The following CSMD1 variants were observed in gnomAD, a reference collection of about 807,000 sequenced individuals.
CSMD1 encodes the protein CUB and Sushi multiple domains 1, also known as CUB and sushi domain-containing protein 1.
A neutral mutation model predicts 417.5 loss-of-function variants in CSMD1; 213 were observed. The observed-to-expected ratio is 0.51, with a 90% confidence interval of 0.46 to 0.57. The LOEUF is 0.57. Ranked by LOEUF, CSMD1 falls within the 20% of genes least tolerant of loss-of-function variation. The probability of loss-of-function intolerance (pLI) is 0.00; values close to 1 mark genes in which losing one functional copy is unlikely to be tolerated. For missense variants in CSMD1, 6,923 were observed against 4,529.7 expected, an observed-to-expected ratio of 1.53 and a Z score of -15.17; for synonymous variants, 2,862 against 1,736.8, an observed-to-expected ratio of 1.65 and a Z score of -16.11.
Position 3,635,441 on chromosome 8 carries a change from A to C in CSMD1, c.1010-18644T>G, listed in dbSNP as rs1227675461. ...GGAGCTTGCAGTGAGCCGAGAGTGC[A>C]CCACTACACTCCAGCCTGGGCAATG... On this transcript the variant is annotated intron_variant, in intron 7 of 69. Coordinates refer to ENST00000635120, the MANE Select transcript of CSMD1 (RefSeq NM_033225.6). Among the ~76,000 whole-genome samples, 13 of 149,774 alleles carry C rather than the reference A, an allele frequency of 8.7e-5. No homozygotes were observed. The South Asian group carries it at 2.5e-3, about 29-fold the overall frequency.
intron 1 of CSMD1, among the ~76,000 whole-genome samples, chr8:4,807,431 GAA>G (rs981724456): frequency 6.6e-6 from 1 of 152,084 alleles, no homozygotes; most frequent in African/African-American, 2.4e-5. Context: ...TCACAAAAAT[GAA>G]AGACTCATGG....
chr8:3,247,798 C>G (rs985968147), intron 26 of CSMD1, among the ~76,000 whole-genome samples: 5 of 152,216 alleles, frequency 3.3e-5, no homozygotes, highest in Admixed American at 6.5e-5. Flanking sequence ...CATAGATTCA[C>G]TAAGAATCAC....
chr8:3,420,531 A>C (rs1173520852), intron 12 of CSMD1, among the ~76,000 whole-genome samples: 1 of 149,280 alleles, frequency 6.7e-6, no homozygotes, highest in African/African-American at 2.4e-5. Context: ...AAATATAGGG[A>C]AACTGGCTGT....
chr8:4,532,362 GCATTCAGTCACTCCA>G, intron 2 of CSMD1, among the ~76,000 whole-genome samples: 1 of 113,628 alleles, frequency 8.8e-6, no homozygotes, highest in East Asian at 2.8e-4. Flanking sequence ...TCCTGCACCC[GCATTCAGTCACTCCA>G]GAAGAGAAAT....
chr8:4,516,424 G>T lies in CSMD1; in HGVS notation c.303-96359C>A, dbSNP rs528161857. Among the ~76,000 whole-genome samples, 23 of 152,274 alleles carry T rather than the reference G, an allele frequency of 1.5e-4. No homozygotes were observed. The South Asian group carries it at 1.7e-3, about 11-fold the overall frequency. ...CAGACTCCAAGCTGCTGGTGTCCAT[G>T]GAAGGCCTCTGCCCCAGAGACGCCT... On this transcript the variant is annotated intron_variant, in intron 2 of 69. Transcript: ENST00000635120.
At chr8:3,003,615 A>G (rs609229) in intron 52 of CSMD1, among the ~76,000 whole-genome samples, 8,177 of 152,242 alleles carry the variant, frequency 0.054, 507 homozygotes, top group African/African-American at 0.15. Flanking sequence ...GTGGGTTGCA[A>G]TGTTCTTGGG....
At chr8:3,056,935 T>C (rs755353173) in intron 49 of CSMD1, among the ~76,000 whole-genome samples, 28 of 152,152 alleles carry the variant, frequency 1.8e-4, no homozygotes, top group Non-Finnish European at 3.8e-4. Flanking sequence ...GGTTGTACTA[T>C]ACAATATTAG....
chr8:3,032,252 G>A (rs892448820), intron 50 of CSMD1, among the ~76,000 whole-genome samples: 1 of 151,736 alleles, frequency 6.6e-6, no homozygotes, highest in Non-Finnish European at 1.5e-5. Flanking sequence ...GATAGGTAGA[G>A]AACATACAAA....
intron 5 of CSMD1, among the ~76,000 whole-genome samples, chr8:3,813,543 T>G (rs1050272044): frequency 6.6e-6 from 1 of 152,186 alleles, no homozygotes; most frequent in Non-Finnish European, 1.5e-5. Flanking sequence ...TACTCTAATA[T>G]AACACAACGT....
intron 7 of CSMD1, among the ~76,000 whole-genome samples, chr8:3,641,747 C>G (rs1797318377): frequency 6.6e-6 from 1 of 152,176 alleles, no homozygotes; most frequent in Non-Finnish European, 1.5e-5. Flanking sequence ...AGGATTCTCC[C>G]TGCTACCACT....
Position 3,155,359 on chromosome 8 carries a change from A to ATTTTTTTTTTTTTTTTTTTTTTTTTT in CSMD1, c.5914+2512_5914+2537dup, listed in dbSNP as rs556304192. ...TTTTTCCTTCCAAATCAAGGCTGGG[A>ATTTTTTTTTTTTTTTTTTTTTTTTTT]TTTTTTTTTTTTTTTTTTTTTTTTT... On this transcript the variant is annotated intron_variant, in intron 39 of 69. Coordinates refer to ENST00000635120, the MANE Select transcript of CSMD1 (RefSeq NM_033225.6). 3.7e-3 allele frequency among the ~76,000 whole-genome samples: 159 copies of ATTTTTTTTTTTTTTTTTTTTTTTTTT among 43,312 alleles called. 63 individuals are homozygous for ATTTTTTTTTTTTTTTTTTTTTTTTTT. Among genetic ancestry groups the ATTTTTTTTTTTTTTTTTTTTTTTTTT allele is most frequent in the East Asian group, 5.3e-3 (8 of 1,514 alleles). 28.4% of individuals were successfully genotyped at this position (43,312 alleles called of 152,430 possible).
intron 3 of CSMD1, among the ~76,000 whole-genome samples, chr8:4,202,372 C>CT: frequency 6.6e-6 from 1 of 152,270 alleles, no homozygotes; most frequent in East Asian, 1.9e-4. Context: ...ATTCTGCACA[C>CT]TTTTTTCTTC....
chr8:4,307,029 A>G (rs1444056856), intron 3 of CSMD1, among the ~76,000 whole-genome samples: 2 of 151,950 alleles, frequency 1.3e-5, no homozygotes, highest in African/African-American at 4.8e-5. Context: ...CGCCTGCACC[A>G]TGTCCACTGT....
intron 2 of CSMD1, among the ~76,000 whole-genome samples, chr8:4,469,358 A>T (rs903368273): frequency 1.3e-5 from 2 of 152,190 alleles, no homozygotes; most frequent in Non-Finnish European, 2.9e-5. Context: ...TACCTTGTCC[A>T]CGTGAACCAA....
intron 7 of CSMD1, among the ~76,000 whole-genome samples, chr8:3,659,498 G>C (rs1310569689): frequency 6.6e-6 from 1 of 152,094 alleles, no homozygotes; most frequent in African/African-American, 2.4e-5. Flanking sequence ...CTTAGCCAAG[G>C]TCAAACTGTT....
At chr8:4,014,073 T>A (rs1163181819) in intron 4 of CSMD1, among the ~76,000 whole-genome samples, 2 of 152,174 alleles carry the variant, frequency 1.3e-5, no homozygotes, top group South Asian at 2.1e-4. Flanking sequence ...TAAAAACAAC[T>A]TTTGAGCATC....
chr8:4,266,526 T>C lies in CSMD1; in HGVS notation c.415+153427A>G, dbSNP rs1197693174. Among the ~76,000 whole-genome samples the C allele has an allele frequency of 7.6e-5, 8 of 104,622 alleles. 3 individuals carry two copies. The highest frequency in any genetic ancestry group is 2.1e-4 in the Non-Finnish European group (8 of 38,874). 68.6% of individuals were successfully genotyped at this position (104,622 alleles called of 152,430 possible). On this transcript the variant is annotated intron_variant, in intron 3 of 69. Transcript: ENST00000635120. ...CACTAAATTTTAAAAAGTAGAACAA[T>C]TTCATACTCATGCCTCATATCCTTC... is the stretch of plus-strand genomic sequence containing the variant.
chr8:3,793,635 C>T (rs1799874225), intron 5 of CSMD1, among the ~76,000 whole-genome samples: 2 of 152,122 alleles, frequency 1.3e-5, no homozygotes, highest in Non-Finnish European at 2.9e-5. Context: ...AGAAGCCTCA[C>T]CTCAATTGCT....
At chr8:4,783,606 T>C (rs1001949209) in intron 1 of CSMD1, among the ~76,000 whole-genome samples, 19 of 152,244 alleles carry the variant, frequency 1.2e-4, no homozygotes, top group Admixed American at 2.0e-4. Flanking sequence ...CAGTTTCTCA[T>C]TGCAGTGCCT....
Sources: allele counts gnomAD v4.1 joint callset (sites outside exome capture counted in the v4.1 genomes callset), GRCh38; gene constraint gnomAD v4.1.1; transcripts MANE v1.5; gene names NCBI Gene and HGNC (gene_info 2026-07-23, HGNC 2026-07-21).